THBS4: variants seen among roughly 807,000 people sequenced by gnomAD.
THBS4 encodes the protein thrombospondin-4.
THBS4 carries 90 observed loss-of-function variants against 115.7 expected under a neutral mutation model. That is an observed-to-expected ratio of 0.78 (90% confidence interval 0.66 to 0.93). The LOEUF is 0.93. Ranked by LOEUF, THBS4 falls within the 40% of genes least tolerant of loss-of-function variation. The pLI is 0.00. For synonymous variants in THBS4, 460 were observed against 479.3 expected (o/e 0.96, Z 0.53); for missense variants, 1,087 against 1,232.7 (o/e 0.88, Z 1.77).
At chr5:80,044,238 A>T (rs1355464409) in intron 2 of THBS4, among the ~76,000 whole-genome samples, 1 of 152,200 alleles carries the variant, frequency 6.6e-6, no homozygotes, top group Non-Finnish European at 1.5e-5. Context: ...GGGACTATAC[A>T]GCCCTTATCT....
At chr5:80,055,192 C>T (rs1321584756) in intron 2 of THBS4, among the ~76,000 whole-genome samples, 7 of 151,944 alleles carry the variant, frequency 4.6e-5, no homozygotes, top group African/African-American at 9.7e-5. Flanking sequence ...TGTGGTGGCT[C>T]ACACCTGTGG....
intron 2 of THBS4, among the ~76,000 whole-genome samples, chr5:80,044,404 T>G (rs1210402558): frequency 3.4e-5 from 5 of 145,938 alleles, no homozygotes; most frequent in Non-Finnish European, 7.5e-5. Context: ...ATCTGACACA[T>G]AGTAGGTAAT....
At chr5:80,073,028 C>A (rs1260655650) in intron 14 of THBS4, among the ~76,000 whole-genome samples, 1 of 152,204 alleles carries the variant, frequency 6.6e-6, no homozygotes, top group Non-Finnish European at 1.5e-5. Flanking sequence ...ACCCCAGCGC[C>A]CCTTTCCAAT....
At chr5:80,050,344 G>T (rs571334478) in intron 2 of THBS4, among the ~76,000 whole-genome samples, 250 of 152,302 alleles carry the variant, frequency 1.6e-3, no homozygotes, top group Non-Finnish European at 1.8e-3. Flanking sequence ...GCAGGTAGGG[G>T]CTTGGGAAGT....
intron 11 of THBS4, 36 bp downstream of exon 11, chr5:80,070,446 C>T (rs895531272): frequency 6.3e-7 from 1 of 1,579,074 alleles, no homozygotes; most frequent in Non-Finnish European, 8.7e-7. Context: ...CACACATGCA[C>T]TGTGGCTTTC....
intron 2 of THBS4, among the ~76,000 whole-genome samples, chr5:80,008,233 A>G (rs193247969): frequency 0.012 from 1,833 of 152,316 alleles, 48 homozygotes; most frequent in African/African-American, 0.042. Flanking sequence ...TCAGTGGTTT[A>G]AATTAAGATG....
chr5:80,057,823 C>T (rs1243718867), intron 3 of THBS4, among the ~76,000 whole-genome samples: 1 of 152,110 alleles, frequency 6.6e-6, no homozygotes, highest in South Asian at 2.1e-4. Context: ...GCCAAGACAA[C>T]CAAAAAATAA....
At position 80,035,567 on chromosome 5, in the gene THBS4, C is replaced by T; in HGVS notation, c.30C>T (p.Leu10=). Residue 10 remains leucine (L), a synonymous_variant, in exon 1 of 22, where the codon CTC becomes CTT. Coordinates refer to ENST00000350881, the MANE Select transcript of THBS4 (RefSeq NM_003248.6). The surrounding 1 kb of genome is among the most constrained non-coding windows in gnomAD (Gnocchi z 4.6). MLAPRGAAV[L]LLHLVLQRWL... is the part of the protein sequence containing the mutation. Reference sequence around the variant, plus strand: ...TGGCCCCGCGCGGAGCCGCCGTCCTCCTGCTGCACCTGGTCCTGCAGCGGT... The same window carrying T: ...TGGCCCCGCGCGGAGCCGCCGTCCTTCTGCTGCACCTGGTCCTGCAGCGGT... 1.4e-6 allele frequency: 2 copies of T among 1,433,046 alleles called. No homozygotes were observed. The highest frequency in any genetic ancestry group is 1.8e-6 in the Non-Finnish European group (2 of 1,092,966). The allele number at this position is 1,433,046 out of a possible 1,614,324, so 88.8% of individuals were successfully genotyped here.
At chr5:80,008,630 A>G (rs1486109742) in intron 2 of THBS4, among the ~76,000 whole-genome samples, 1 of 152,212 alleles carries the variant, frequency 6.6e-6, no homozygotes, top group Non-Finnish European at 1.5e-5. Flanking sequence ...TACAATTTCA[A>G]ATCTCACAGA....
In THBS4 at chr5:80,072,375, TG is replaced by T; in HGVS notation, c.1819del (p.Asp607MetfsTer121). ...GVGDACDSCP[D>X]VSNPNQSDVD... ...TGGGGGATGCCTGTGACAGTTGTCCTGATGTCAGCAACCCTAACCAGGTTAG... is the reference window on the plus strand; with the variant it reads ...TGGGGGATGCCTGTGACAGTTGTCCTATGTCAGCAACCCTAACCAGGTTAG... On this transcript the variant is annotated frameshift_variant, in exon 14 of 22. Coordinates refer to ENST00000350881, the MANE Select transcript of THBS4 (RefSeq NM_003248.6). LOFTEE classifies it high-confidence loss of function. The T allele has an allele frequency of 6.2e-7, 1 of 1,614,138 alleles. No individual in the cohort carries two copies. Among genetic ancestry groups the T allele is most frequent in the Non-Finnish European group, 8.5e-7 (1 of 1,179,968 alleles).
At chr5:80,036,406 A>G (rs762761782) in intron 1 of THBS4, among the ~76,000 whole-genome samples, 2 of 152,198 alleles carry the variant, frequency 1.3e-5, no homozygotes, top group South Asian at 2.1e-4. Flanking sequence ...AAAACTACCA[A>G]TTGGGTACTA....
upstream of THBS4, among the ~76,000 whole-genome samples, chr5:80,032,469 G>A (rs375213973): frequency 6.6e-6 from 1 of 152,252 alleles, no homozygotes; most frequent in Non-Finnish European, 1.5e-5. Flanking sequence ...GAGTATTGAC[G>A]CACGATCACA....
intron 10 of THBS4, among the ~76,000 whole-genome samples, chr5:80,069,282 A>G (rs1833947515): frequency 6.6e-6 from 1 of 152,364 alleles, no homozygotes; most frequent in South Asian, 2.1e-4. Context: ...AGAGTCAAAA[A>G]TGAGTTAATA....
At chr5:80,066,004 A>C (rs1203511445) in intron 9 of THBS4, among the ~76,000 whole-genome samples, 1 of 151,260 alleles carries the variant, frequency 6.6e-6, no homozygotes, top group Non-Finnish European at 1.5e-5. Flanking sequence ...CTGAAGCAGG[A>C]GAATGACATG....
chr5:80,083,099 C>A lies in THBS4; in HGVS notation c.2844C>A (p.Phe948Leu). The A allele has an allele frequency of 6.2e-7, 1 of 1,614,010 alleles. No individual in the cohort carries two copies. The highest frequency in any genetic ancestry group is 8.5e-7 in the Non-Finnish European group (1 of 1,179,872). Residue 948 changes from phenylalanine to leucine, a missense_variant, in exon 22 of 22, where the codon TTC (phenylalanine) becomes TTA (leucine). Coordinates refer to ENST00000350881, the MANE Select transcript of THBS4 (RefSeq NM_003248.6). ...TTGCAGACACCATCCCTGAGGACTTCCAAGAGTTTCAAACCCAGAATTTCG... is the reference window on the plus strand; with the variant it reads ...TTGCAGACACCATCCCTGAGGACTTACAAGAGTTTCAAACCCAGAATTTCG... ...YRCNDTIPED[F>L]QEFQTQNFDR... is the part of the protein sequence containing the mutation.
At chr5:80,075,364 A>G (rs975806794) in intron 15 of THBS4, 5 of 152,184 alleles carry the variant, frequency 3.3e-5, no homozygotes, top group African/African-American at 1.2e-4. Context: ...AAATCAAGAT[A>G]ATGTAGGTAA....
At position 80,020,973 on chromosome 5, in the gene THBS4, A is replaced by C. The variant is rs1191546544; in HGVS notation, n.178-19104A>C. Among the ~76,000 whole-genome samples, 3 of 152,228 alleles carry C rather than the reference A, an allele frequency of 2.0e-5. No individual in the cohort carries two copies. In the South Asian group the frequency reaches 6.2e-4, roughly 32 times the overall value. On this transcript the variant is annotated intron_variant and non_coding_transcript_variant, in intron 2 of 3. Transcript: ENST00000510218. ...CTTGGCTGGCAAATGTATGAACTCA[A>C]TTTAAAAACTGATGTCACCTAAAAT...
At chr5:80,049,594 AG>A (rs1056736108) in intron 2 of THBS4, among the ~76,000 whole-genome samples, 1 of 152,200 alleles carries the variant, frequency 6.6e-6, no homozygotes, top group African/African-American at 2.4e-5. Flanking sequence ...GAGTAATAAA[AG>A]TCAGAGTGGA....
At position 80,071,074 on chromosome 5, in the gene THBS4, C is replaced by T; in HGVS notation, c.1614C>T (p.Ile538=). The change falls in exon 13 of 22, where the codon ATC becomes ATT. Residue 538 remains isoleucine, a synonymous_variant. Transcript: ENST00000350881. ...ACCAAAGGAACAGCGATAAAGATAT[C>T]TTTGGGGATGCCTGTGATAACTGCC... ...NVDQRNSDKD[I]FGDACDNCLS... is the part of the protein sequence containing the mutation. The T allele has an allele frequency of 6.2e-7, 1 of 1,612,908 alleles. No individual in the cohort carries two copies. The highest frequency in any genetic ancestry group is 2.2e-5 in the East Asian group (1 of 44,834).
Sources: allele counts gnomAD v4.1 joint callset (sites outside exome capture counted in the v4.1 genomes callset), GRCh38; gene constraint gnomAD v4.1.1; non-coding constraint Gnocchi (gnomAD v3.1); transcripts MANE v1.5; gene names NCBI Gene and HGNC (gene_info 2026-07-23, HGNC 2026-07-21).